The following ADGRB3 variants were observed in gnomAD, a reference collection of about 807,000 sequenced individuals.
The protein encoded by ADGRB3 is adhesion G protein-coupled receptor B3.
A neutral mutation model predicts 193.4 loss-of-function variants in ADGRB3; 37 were observed. The observed-to-expected ratio is 0.19, with a 90% confidence interval of 0.15 to 0.25. The LOEUF (loss-of-function observed/expected upper bound fraction) is 0.25, where lower values mean the gene tolerates loss of function less well. ADGRB3 is among the 10% of genes least tolerant of loss of function. ADGRB3 has a pLI of 1.00. For missense variants in ADGRB3, 1,637 were observed against 1,852.9 expected, an observed-to-expected ratio of 0.88 and a Z score of 2.14; for synonymous variants, 690 against 644.2, an observed-to-expected ratio of 1.07 and a Z score of -1.08.
In ADGRB3 at chr6:68,976,792, G is replaced by C. The variant is rs536634774; in HGVS notation, c.1734+1452G>C. 1.8e-4 allele frequency among the ~76,000 whole-genome samples: 28 copies of C among 152,026 alleles called. No individual in the cohort carries two copies. The South Asian group carries it at 5.8e-3, about 32-fold the overall frequency. On this transcript the variant is annotated intron_variant, in intron 10 of 31. Transcript: ENST00000370598. ...GTCTTGCAGGCTCAGGAGTGGCAGA[G>C]GCAATACAAAATCTGCATGTAAGTG... is the stretch of plus-strand genomic sequence containing the variant.
At chr6:68,655,305 T>G (rs1318904570) in intron 3 of ADGRB3, among the ~76,000 whole-genome samples, 1 of 144,690 alleles carries the variant, frequency 6.9e-6, no homozygotes, top group Non-Finnish European at 1.6e-5. Flanking sequence ...TTTTGTTTCG[T>G]TTTTTTGTTG....
At chr6:68,751,233 G>C (rs1196679985) in intron 3 of ADGRB3, among the ~76,000 whole-genome samples, 2 of 152,162 alleles carry the variant, frequency 1.3e-5, no homozygotes, top group East Asian at 3.9e-4. Flanking sequence ...TCCTCACTGG[G>C]TTCCTCACTG....
intron 3 of ADGRB3, among the ~76,000 whole-genome samples, chr6:68,648,256 G>T: frequency 6.6e-6 from 1 of 152,080 alleles, no homozygotes; most frequent in East Asian, 1.9e-4. Flanking sequence ...AATTTTAAAT[G>T]TTTGCTGATG....
intron 29 of ADGRB3, among the ~76,000 whole-genome samples, chr6:69,371,874 G>T (rs1380190252): frequency 6.6e-6 from 1 of 152,100 alleles, no homozygotes; most frequent in Non-Finnish European, 1.5e-5. Flanking sequence ...GGACTTTTCT[G>T]TCATGGAGGA....
At chr6:69,374,919 T>C (rs1582665168) in intron 30 of ADGRB3, among the ~76,000 whole-genome samples, 1 of 152,196 alleles carries the variant, frequency 6.6e-6, no homozygotes, top group Non-Finnish European at 1.5e-5. Flanking sequence ...GTTTCAAAGA[T>C]AGCCACACTG....
chr6:68,957,138 T>C (rs1768098189), intron 8 of ADGRB3, among the ~76,000 whole-genome samples: 1 of 152,240 alleles, frequency 6.6e-6, no homozygotes, highest in Non-Finnish European at 1.5e-5. Context: ...CTAATTACTC[T>C]GACCTTGATG....
chr6:68,874,993 G>A (rs1205667948), intron 3 of ADGRB3, among the ~76,000 whole-genome samples: 3 of 152,084 alleles, frequency 2.0e-5, no homozygotes, highest in African/African-American at 7.2e-5. Flanking sequence ...TCCACCACAA[G>A]CATCAGTTTG....
intron 17 of ADGRB3, among the ~76,000 whole-genome samples, chr6:69,198,852 T>G (rs1765354654): frequency 6.6e-6 from 1 of 152,162 alleles, no homozygotes; most frequent in Non-Finnish European, 1.5e-5. Flanking sequence ...ATAAATTAAT[T>G]GATTAATTGC....
chr6:69,326,316 G>C (rs887991895), intron 21 of ADGRB3, among the ~76,000 whole-genome samples: 1 of 152,122 alleles, frequency 6.6e-6, no homozygotes, highest in Admixed American at 6.6e-5. Flanking sequence ...TCCTGACAAA[G>C]GCCTTCTAAA....
intron 3 of ADGRB3, among the ~76,000 whole-genome samples, chr6:68,790,564 T>C (rs1767082632): frequency 6.6e-6 from 1 of 152,232 alleles, no homozygotes; most frequent in South Asian, 2.1e-4. Flanking sequence ...ACACCTCACA[T>C]GGCCAGGTAC....
intron 3 of ADGRB3, among the ~76,000 whole-genome samples, chr6:68,930,294 A>G (rs1353070089): frequency 6.6e-6 from 1 of 152,032 alleles, no homozygotes; most frequent in East Asian, 1.9e-4. Context: ...CTTATCAGAA[A>G]AGAGTACAGT....
chr6:69,320,784 T>C (rs1768434657), intron 20 of ADGRB3, among the ~76,000 whole-genome samples: 1 of 151,008 alleles, frequency 6.6e-6, no homozygotes, highest in Non-Finnish European at 1.5e-5. Flanking sequence ...TTCTCTGTTT[T>C]CAAAGATTTC....
intron 17 of ADGRB3, among the ~76,000 whole-genome samples, chr6:69,091,233 A>G (rs900977008): frequency 2.6e-5 from 4 of 152,208 alleles, no homozygotes; most frequent in Admixed American, 1.3e-4. Context: ...CAGTGTGGCA[A>G]TTCCTCAAAG....
At chr6:68,929,227 T>C (rs1438778135) in intron 3 of ADGRB3, among the ~76,000 whole-genome samples, 1 of 152,184 alleles carries the variant, frequency 6.6e-6, no homozygotes, top group Non-Finnish European at 1.5e-5. Flanking sequence ...ATATATTACA[T>C]AGAAGCTATT....
intron 30 of ADGRB3, among the ~76,000 whole-genome samples, chr6:69,376,224 G>C (rs1769818483): frequency 6.6e-6 from 1 of 150,490 alleles, no homozygotes; most frequent in East Asian, 2.0e-4. Context: ...CTAGTAGCTG[G>C]GACCACAGGC....
intron 17 of ADGRB3, among the ~76,000 whole-genome samples, chr6:69,210,891 G>A (rs878928423): frequency 2.0e-5 from 3 of 152,058 alleles, no homozygotes; most frequent in African/African-American, 2.4e-5. Context: ...CGAGGCTGGC[G>A]GATCACGAGG....
chr6:69,088,709 C>T (rs1478105682), intron 17 of ADGRB3, among the ~76,000 whole-genome samples: 1 of 152,176 alleles, frequency 6.6e-6, no homozygotes, highest in Non-Finnish European at 1.5e-5. Flanking sequence ...AATGTTCTTG[C>T]TCTTTTTCTT....
At chr6:69,354,621 G>C (rs1205193826) in intron 27 of ADGRB3, among the ~76,000 whole-genome samples, 1 of 152,182 alleles carries the variant, frequency 6.6e-6, no homozygotes, top group Non-Finnish European at 1.5e-5. Flanking sequence ...GGATCATGTG[G>C]ATGTCTTTTA....
At chr6:68,706,744 A>G (rs1437589594) in intron 3 of ADGRB3, among the ~76,000 whole-genome samples, 1 of 152,234 alleles carries the variant, frequency 6.6e-6, no homozygotes, top group Admixed American at 6.5e-5. Flanking sequence ...TACTACAGGC[A>G]TATGTAATAA....
Sources: gnomAD v4.1 joint callset for allele counts (sites outside exome capture counted in the v4.1 genomes callset) on GRCh38, gnomAD v4.1.1 for gene constraint, MANE v1.5 for transcripts, NCBI Gene and HGNC (gene_info 2026-07-23, HGNC 2026-07-21) for gene names.